The following SLC25A53 variants were observed in gnomAD, a reference collection of about 807,000 sequenced individuals.
The protein encoded by SLC25A53 is solute carrier family 25 member 53.
Under a neutral mutation model 15.0 loss-of-function variants are expected in SLC25A53, and 5 were observed. That is an observed-to-expected ratio of 0.33 (90% CI 0.17 to 0.70). The LOEUF is 0.70. Ranked by LOEUF, SLC25A53 falls within the 30% of genes least tolerant of loss-of-function variation. The probability of loss-of-function intolerance (pLI) is 0.67; values close to 1 mark genes in which losing one functional copy is unlikely to be tolerated. For missense variants in SLC25A53, 216 were observed against 241.6 expected (o/e 0.89, Z 0.70); for synonymous variants, 95 against 100.0 (o/e 0.95, Z 0.30).
At chrX:104,129,223 G>A (rs2075419001) in intron 1 of SLC25A53, among the ~76,000 whole-genome samples, 1 of 111,422 alleles carries the variant, frequency 9.0e-6, no homozygotes, top group Admixed American at 9.6e-5. Flanking sequence ...ACACACTAAA[G>A]ATGTTATTTT....
intron 1 of SLC25A53, among the ~76,000 whole-genome samples, chrX:104,151,205 C>T (rs1188721330): frequency 9.0e-6 from 1 of 111,382 alleles, no homozygotes; most frequent in East Asian, 2.8e-4. Context: ...ATAACAATGG[C>T]AACAGCTGCC....
In SLC25A53 at chrX:104,105,098, G is replaced by C; in HGVS notation, c.160C>G (p.Arg54Gly). ...LTFPIYKVVF[R>G]QQIHAMAVSE... The stretch of plus-strand genomic sequence containing the variant: ...ACTGCCATGGCATGGATCTGTTGCC[G>C]GAACACAACCTTATAGATAGGAAAG... Residue 54 changes from arginine (R) to glycine (G), a missense_variant, in exon 2 of 2, where the codon CGG (arginine) becomes GGG (glycine). By Grantham distance (125) the Arg-to-Gly change is moderately radical. Transcript: ENST00000594199. 5 of 1,212,085 alleles carry C rather than the reference G, an allele frequency of 4.1e-6. No individual in the cohort carries two copies. The highest frequency in any genetic ancestry group is 3.3e-6 in the Non-Finnish European group (3 of 895,598).
rs782255130 is a variant in SLC25A53 at position 104,145,458 on chromosome X, T to C, written c.-32+11420A>G. Among the ~76,000 whole-genome samples the C allele has an allele frequency of 5.5e-5, 6 of 109,790 alleles. No individual in the cohort carries two copies. In the South Asian group the frequency reaches 2.3e-3, roughly 42 times the overall value. On this transcript the variant is annotated intron_variant, in intron 1 of 1. Coordinates refer to ENST00000594199, the MANE Select transcript of SLC25A53 (RefSeq NM_001012755.5). ...AGCAGAAGACAAGAAATAACTAAGA[T>C]CAGAGCAGAACTGAAGGAGATAGAG...
chrX:104,140,556 C>CTGGTCTCTCCAATTACCCCCTTTAACAT, intron 1 of SLC25A53, among the ~76,000 whole-genome samples: 1 of 111,539 alleles, frequency 9.0e-6, no homozygotes, highest in South Asian at 3.7e-4. Flanking sequence ...GAAGCCTTCC[C>CTGGTCTCTCCAATTACCCCCTTTAACAT]TGGTCTCTCC....
At chrX:104,120,219 G>A (rs782740857) in intron 1 of SLC25A53, among the ~76,000 whole-genome samples, 1 of 111,538 alleles carries the variant, frequency 9.0e-6, no homozygotes, top group African/African-American at 3.3e-5. Context: ...GCACACACAA[G>A]GTATATATGT....
intron 1 of SLC25A53, among the ~76,000 whole-genome samples, chrX:104,123,222 T>C (rs2075400210): frequency 1.8e-5 from 2 of 112,638 alleles, no homozygotes; most frequent in Non-Finnish European, 1.9e-5. Flanking sequence ...CTCTCTCTCA[T>C]GTGCAGGGGA....
intron 1 of SLC25A53, among the ~76,000 whole-genome samples, chrX:104,139,088 C>T (rs1556367050): frequency 8.9e-6 from 1 of 112,916 alleles, no homozygotes; most frequent in Non-Finnish European, 1.9e-5. Context: ...CCACACTCTT[C>T]CCTCCTTCCA....
At chrX:104,108,203 C>T (rs782700094) in intron 1 of SLC25A53, among the ~76,000 whole-genome samples, 6 of 111,556 alleles carry the variant, frequency 5.4e-5, no homozygotes, top group East Asian at 2.8e-4. Flanking sequence ...CAGACAGACC[C>T]GAGACTGAAT....
chrX:104,144,880 C>T (rs1375862772), intron 1 of SLC25A53, among the ~76,000 whole-genome samples: 1 of 111,290 alleles, frequency 9.0e-6, no homozygotes, highest in Non-Finnish European at 1.9e-5. Context: ...GACTTTAACA[C>T]CCCCTGTCAA....
chrX:104,132,168 T>A (rs1486152888), intron 1 of SLC25A53, among the ~76,000 whole-genome samples: 1 of 112,653 alleles, frequency 8.9e-6, no homozygotes, highest in Non-Finnish European at 1.9e-5. Flanking sequence ...TAACATTTAC[T>A]ATAATACACT....
chrX:104,125,027 G>GGGTTTCGCCCTACTA (rs1207676554), intron 1 of SLC25A53, among the ~76,000 whole-genome samples: 1 of 107,248 alleles, frequency 9.3e-6, no homozygotes, highest in African/African-American at 3.4e-5. Context: ...ATTTTTAGTA[G>GGGTTTCGCCCTACTA]AAACATGGGG....
rs1602491005 is a variant in SLC25A53, at chrX:104,113,992, C to A, written c.-31-8704G>T. ...TAACCTTTTTTACTTTCCTTAGAAT[C>A]CCTACTGAAATATAAGGCAGGCACA... On this transcript the variant is annotated intron_variant, in intron 1 of 1. Coordinates refer to ENST00000594199, the MANE Select transcript of SLC25A53 (RefSeq NM_001012755.5). The A allele has an allele frequency of 5.5e-6, 6 of 1,093,480 alleles. No homozygotes were observed. The East Asian group carries it at 1.3e-4, about 23-fold the overall frequency. 90.1% of individuals were successfully genotyped at this position (1,093,480 alleles called of 1,213,427 possible).
At chrX:104,139,237 G>A (rs2075444630) in intron 1 of SLC25A53, among the ~76,000 whole-genome samples, 1 of 110,856 alleles carries the variant, frequency 9.0e-6, no homozygotes, top group Non-Finnish European at 1.9e-5. Flanking sequence ...ATAAAAATTG[G>A]CTAGGCGCAG....
chrX:104,127,469 A>T (rs781824002), intron 1 of SLC25A53, among the ~76,000 whole-genome samples: 1 of 111,576 alleles, frequency 9.0e-6, no homozygotes, highest in African/African-American at 3.3e-5. Context: ...AAAAACACAC[A>T]CACATAAAAA....
At position 104,104,235 on chromosome X, in the gene SLC25A53, G is replaced by A. The variant is rs1464408428; in HGVS notation, c.*99C>T. 1.1e-5 allele frequency: 8 copies of A among 759,349 alleles called. No individual in the cohort carries two copies. Among genetic ancestry groups the A allele is most frequent in the Non-Finnish European group, 1.5e-5 (8 of 519,859 alleles). The allele number at this position is 759,349 out of a possible 1,213,427, so 62.6% of individuals were successfully genotyped here. A position where few individuals can be genotyped will look rare whatever the true frequency, so the allele number is the denominator to read the frequency against. On this transcript the variant is annotated 3_prime_UTR_variant, in exon 2 of 2. Transcript: ENST00000594199. ...ATGCAATGAGTTTATAGATGCTAAA[G>A]GATGGCTGTATTAGGCAACCTAGCC...
rs2075303726 is a variant in SLC25A53 at position 104,105,300 on chromosome X, G to A, written c.-31-12C>T. On this transcript the variant is annotated splice_polypyrimidine_tract_variant and intron_variant, in intron 1 of 1. Transcript: ENST00000594199. ...GCAGATGGAAGAAACTGGCAAGGGT[G>A]GAAAAAAAGAGATTAGACTGACCAA... is the stretch of plus-strand genomic sequence containing the variant. The A allele has an allele frequency of 4.6e-6, 5 of 1,082,258 alleles. No individual in the cohort carries two copies. The highest frequency in any genetic ancestry group is 6.2e-6 in the Non-Finnish European group (5 of 803,843). 89.2% of individuals were successfully genotyped at this position (1,082,258 alleles called of 1,213,427 possible).
intron 1 of SLC25A53, chrX:104,113,907 G>A (rs891247085): frequency 2.8e-5 from 15 of 543,929 alleles, no homozygotes; most frequent in Admixed American, 2.4e-4. Context: ...GCACTGCAAG[G>A]CTATTCAGGA....
At chrX:104,150,183 A>C (rs1270591815) in intron 1 of SLC25A53, among the ~76,000 whole-genome samples, 1 of 106,598 alleles carries the variant, frequency 9.4e-6, no homozygotes, top group Non-Finnish European at 1.9e-5. Context: ...CAGTGAGCTG[A>C]GATCGCACCA....
chrX:104,112,906 A>T (rs1556359705), intron 1 of SLC25A53: 1 of 111,285 alleles, frequency 9.0e-6, no homozygotes, highest in Non-Finnish European at 1.9e-5. Flanking sequence ...GAGGCAGGGG[A>T]TGGAGCACTC....
Sources: allele counts gnomAD v4.1 joint callset (sites outside exome capture counted in the v4.1 genomes callset), GRCh38; gene constraint gnomAD v4.1.1; transcripts MANE v1.5; gene names NCBI Gene and HGNC (gene_info 2026-07-23, HGNC 2026-07-21).